DAB1: variants seen among roughly 807,000 people sequenced by gnomAD.
DAB1 encodes the protein disabled homolog 1.
A neutral mutation model predicts 64.6 loss-of-function variants in DAB1; 15 were observed. The ratio of observed to expected loss-of-function variants is 0.23; its 90% confidence interval spans 0.16 to 0.36. The LOEUF (loss-of-function observed/expected upper bound fraction) is 0.36. Ranked by LOEUF, DAB1 falls within the 10% of genes least tolerant of loss-of-function variation. DAB1 has a pLI of 1.00. For missense variants in DAB1, 596 were observed against 706.7 expected (o/e 0.84, Z 1.78); for synonymous variants, 235 against 251.9 (o/e 0.93, Z 0.64).
chr1:57,239,267 G>T lies in DAB1; in HGVS notation c.67+51697C>A, dbSNP rs181044541. ...GTCCATCTAAAAGAATCCACCATTTGCCACAGTCATCTTTTATCCCATCAC... is the reference window on the plus strand; with the variant it reads ...GTCCATCTAAAAGAATCCACCATTTTCCACAGTCATCTTTTATCCCATCAC... On this transcript the variant is annotated intron_variant, in intron 2 of 14. Coordinates refer to ENST00000371236, the MANE Select transcript of DAB1 (RefSeq NM_001365792.1). Among the ~76,000 whole-genome samples, 263 of 152,228 alleles carry T rather than the reference G, an allele frequency of 1.7e-3. 5 individuals carry two copies. Among genetic ancestry groups the T allele is most frequent in the Non-Finnish European group, 3.8e-4 (26 of 68,028 alleles).
intron 4 of DAB1, among the ~76,000 whole-genome samples, chr1:58,193,476 A>G (rs1343914253): frequency 6.6e-6 from 1 of 152,256 alleles, no homozygotes; most frequent in Non-Finnish European, 1.5e-5. Flanking sequence ...TTCGTCTACT[A>G]TGTGCAACAC....
chr1:57,751,667 G>A (rs1648558589), intron 6 of DAB1, among the ~76,000 whole-genome samples: 1 of 152,016 alleles, frequency 6.6e-6, no homozygotes, highest in African/African-American at 2.4e-5. Context: ...AAACATGGGA[G>A]AGAAAGGATG....
Position 57,324,814 on chromosome 1 carries a change from C to G in DAB1, c.-136-33648G>C, listed in dbSNP as rs139004796. Among the ~76,000 whole-genome samples, 46 of 152,246 alleles carry G rather than the reference C, an allele frequency of 3.0e-4. No individual in the cohort carries two copies. In the East Asian group the frequency reaches 8.7e-3, roughly 29 times the overall value. Reference sequence around the variant, plus strand: ...TCCATTTCTTCTTTAAGACACTGCTCCATCCCAGCCATCCTCCACCACTAC... The same window carrying G: ...TCCATTTCTTCTTTAAGACACTGCTGCATCCCAGCCATCCTCCACCACTAC... On this transcript the variant is annotated intron_variant, in intron 1 of 14. Transcript: ENST00000371236.
chr1:58,048,912 A>G, intron 5 of DAB1: 1 of 896,844 alleles, frequency 1.1e-6, no homozygotes, highest in Non-Finnish European at 1.8e-6. Flanking sequence ...CATTTTTCCA[A>G]CTGTTAAAAA....
chr1:57,276,165 G>C (rs1304718950), intron 2 of DAB1, among the ~76,000 whole-genome samples: 1 of 152,240 alleles, frequency 6.6e-6, no homozygotes, highest in Non-Finnish European at 1.5e-5. Context: ...TGTGCACACA[G>C]TAGTGTGCAG....
chr1:57,277,573 C>T (rs2100614945), intron 2 of DAB1, among the ~76,000 whole-genome samples: 1 of 152,222 alleles, frequency 6.6e-6, no homozygotes, highest in African/African-American at 2.4e-5. Context: ...TTTCATAAGA[C>T]CAACCTGATT....
At chr1:57,421,651 C>T (rs1158694120) in intron 1 of DAB1, among the ~76,000 whole-genome samples, 1 of 151,958 alleles carries the variant, frequency 6.6e-6, no homozygotes, top group African/African-American at 2.4e-5. Flanking sequence ...TTTAAGAGAG[C>T]CTTTGTGTAT....
chr1:58,059,093 C>T (rs1648328299), intron 5 of DAB1, among the ~76,000 whole-genome samples: 1 of 152,188 alleles, frequency 6.6e-6, no homozygotes, highest in South Asian at 2.1e-4. Flanking sequence ...CTGCACATAG[C>T]CCTGTCCCTG....
intron 6 of DAB1, among the ~76,000 whole-genome samples, chr1:57,819,908 T>A (rs1339000382): frequency 6.6e-6 from 1 of 152,218 alleles, no homozygotes; most frequent in Non-Finnish European, 1.5e-5. Flanking sequence ...CCTCCTAAAC[T>A]CTGTCTGCAA....
chr1:58,318,710 C>A (rs1569637525), intron 4 of DAB1, among the ~76,000 whole-genome samples: 1 of 152,220 alleles, frequency 6.6e-6, no homozygotes, highest in East Asian at 1.9e-4. Flanking sequence ...TGCCTCACAT[C>A]ATCTATTTGA....
In DAB1 at chr1:57,556,451, TA is replaced by T. The variant is rs1644989527; in HGVS notation, n.625+93140del. Among the ~76,000 whole-genome samples the T allele has an allele frequency of 2.6e-5, 4 of 152,126 alleles. No homozygotes were observed. In the South Asian group the frequency reaches 8.3e-4, roughly 32 times the overall value. On this transcript the variant is annotated intron_variant and non_coding_transcript_variant, in intron 7 of 20. Coordinates refer to the DAB1 transcript ENST00000485760. ...ACACTCCAACATCTATTTTTTTTTT[TA>T]AATTTTTATTATGGCCATTCTTGTA...
chr1:57,676,833 C>A (rs1646572806), intron 6 of DAB1, among the ~76,000 whole-genome samples: 1 of 152,156 alleles, frequency 6.6e-6, no homozygotes, highest in African/African-American at 2.4e-5. Flanking sequence ...ATTCAACCTG[C>A]AAGAACTAGT....
At chr1:58,359,482 G>A (rs1644142957) in intron 3 of DAB1, among the ~76,000 whole-genome samples, 1 of 152,146 alleles carries the variant, frequency 6.6e-6, no homozygotes, top group African/African-American at 2.4e-5. Flanking sequence ...CAGCTCTGAG[G>A]CATTGCCTCA....
Position 58,313,854 on chromosome 1 carries a change from T to TGA in DAB1, n.309+29497_309+29498insTC, listed in dbSNP as rs1553174583. Among the ~76,000 whole-genome samples, 682 of 117,852 alleles carry TGA rather than the reference T, an allele frequency of 5.8e-3. 8 individuals are homozygous for TGA. The highest frequency in any genetic ancestry group is 0.035 in the Admixed American group (400 of 11,538). 77.3% of individuals were successfully genotyped at this position (117,852 alleles called of 152,430 possible). A position where few individuals can be genotyped will look rare whatever the true frequency, so the allele number is the denominator to read the frequency against. On this transcript the variant is annotated intron_variant and non_coding_transcript_variant, in intron 4 of 20. Coordinates refer to the DAB1 transcript ENST00000485760. ...GTGTGTGTGTGTGTGTGTGTGTGTGTGTGAGAGAGAGAGAGAGAGAGAGAG... is the reference window on the plus strand; with the variant it reads ...GTGTGTGTGTGTGTGTGTGTGTGTGTGAGTGAGAGAGAGAGAGAGAGAGAGAG...
At chr1:58,181,095 A>G (rs186832010) in intron 4 of DAB1, among the ~76,000 whole-genome samples, 34 of 152,162 alleles carry the variant, frequency 2.2e-4, no homozygotes, top group African/African-American at 8.2e-4. Flanking sequence ...TTATTACAGA[A>G]TTGCCTATTT....
Position 56,996,054 on chromosome 1 carries a change from A to G in DAB1, c.*2090T>C, listed in dbSNP as rs1199549640. ...TGGTCAGTTTATCTAACTGAAAAAA[A>G]AATTAGACTCCTGTGACCTGATAGT... On this transcript the variant is annotated 3_prime_UTR_variant, in exon 15 of 15. Transcript: ENST00000371236. 1.3e-5 allele frequency: 2 copies of G among 152,190 alleles called. No homozygotes were observed. Among genetic ancestry groups the G allele is most frequent in the African/African-American group, 2.4e-5 (1 of 41,460 alleles). 9.4% of individuals were successfully genotyped at this position (152,190 alleles called of 1,614,324 possible). A position where few individuals can be genotyped will look rare whatever the true frequency, so the allele number is the denominator to read the frequency against.
chr1:57,358,228 A>T (rs1361499868), intron 1 of DAB1, among the ~76,000 whole-genome samples: 3 of 152,020 alleles, frequency 2.0e-5, no homozygotes, highest in Non-Finnish European at 4.4e-5. Context: ...TCTTGTTCCA[A>T]ATCTTGGGGA....
chr1:57,217,317 T>C (rs1263501533), intron 2 of DAB1, among the ~76,000 whole-genome samples: 1 of 152,220 alleles, frequency 6.6e-6, no homozygotes, highest in Non-Finnish European at 1.5e-5. Context: ...AAGTGTATTA[T>C]AAAGTCTGGT....
At chr1:57,746,022 C>T (rs1323349834) in intron 6 of DAB1, among the ~76,000 whole-genome samples, 1 of 152,156 alleles carries the variant, frequency 6.6e-6, no homozygotes, top group Non-Finnish European at 1.5e-5. Context: ...TTTCAGATCT[C>T]ACCATTAGTC....
Sources: gnomAD v4.1 joint callset for allele counts (sites outside exome capture counted in the v4.1 genomes callset) on GRCh38, gnomAD v4.1.1 for gene constraint, MANE v1.5 for transcripts, NCBI Gene and HGNC (gene_info 2026-07-23, HGNC 2026-07-21) for gene names.